Variants in ANGPT1 observed in about 807,000 individuals in gnomAD.
ANGPT1 encodes the protein angiopoietin 1, also known as angiopoietin-1.
A neutral mutation model predicts 62.2 loss-of-function variants in ANGPT1; 17 were observed. The ratio of observed to expected loss-of-function variants is 0.27; its 90% CI spans 0.19 to 0.41. The LOEUF (loss-of-function observed/expected upper bound fraction) is 0.41. Among genes scored for constraint, ANGPT1 ranks in the 10% least tolerant of loss-of-function variants. ANGPT1 has a pLI of 1.00. For synonymous variants in ANGPT1, 199 were observed against 198.9 expected (o/e 1.00, Z 0.00); for missense variants, 478 against 594.9 (o/e 0.80, Z 2.04).
At chr8:107,261,282 A>AT (rs374081790) in intron 8 of ANGPT1, among the ~76,000 whole-genome samples, 1 of 151,548 alleles carries the variant, frequency 6.6e-6, no homozygotes, top group Non-Finnish European at 1.5e-5. Context: ...TTTAAAAAAA[A>AT]ATATTAGATT....
At chr8:107,279,762 C>A (rs1813955001) in intron 7 of ANGPT1, among the ~76,000 whole-genome samples, 2 of 69,716 alleles carry the variant, frequency 2.9e-5, no homozygotes, top group Admixed American at 1.6e-4. Context: ...CACACACACA[C>A]TCAAAGGAAG....
chr8:107,351,589 A>G (rs1158376949), intron 1 of ANGPT1, among the ~76,000 whole-genome samples: 1 of 151,602 alleles, frequency 6.6e-6, no homozygotes, highest in Non-Finnish European at 1.5e-5. Flanking sequence ...TATAATATTT[A>G]TAATATTTAT....
intron 1 of ANGPT1, among the ~76,000 whole-genome samples, chr8:107,416,004 A>G (rs1403655632): frequency 1.3e-5 from 2 of 151,268 alleles, no homozygotes; most frequent in Non-Finnish European, 3.0e-5. Flanking sequence ...ATCTGAAGGG[A>G]AAAAAAAACC....
intron 1 of ANGPT1, among the ~76,000 whole-genome samples, chr8:107,468,405 GAACA>G (rs1812261418): frequency 6.6e-6 from 1 of 152,036 alleles, no homozygotes; most frequent in African/African-American, 2.4e-5. Flanking sequence ...TTGTTAGGCT[GAACA>G]GACAGGTCTC....
intron 1 of ANGPT1, among the ~76,000 whole-genome samples, chr8:107,487,735 TAAAA>T (rs1293353140): frequency 2.6e-5 from 4 of 152,102 alleles, no homozygotes; most frequent in African/African-American, 9.7e-5. Context: ...ACAAGTGTCT[TAAAA>T]AACACAAAAA....
chr8:107,418,259 C>G (rs1482883605), intron 1 of ANGPT1, among the ~76,000 whole-genome samples: 2 of 152,144 alleles, frequency 1.3e-5, no homozygotes, highest in Admixed American at 6.5e-5. Flanking sequence ...CCCCCGTCAC[C>G]ATTTTACCAT....
At chr8:107,493,126 A>G (rs1218650573) in intron 1 of ANGPT1, among the ~76,000 whole-genome samples, 3 of 150,544 alleles carry the variant, frequency 2.0e-5, no homozygotes, top group African/African-American at 7.3e-5. Context: ...TTAAAAACTG[A>G]TTATTACAAT....
chr8:107,334,789 C>T (rs1815521451), intron 3 of ANGPT1, among the ~76,000 whole-genome samples: 1 of 152,102 alleles, frequency 6.6e-6, no homozygotes, highest in Admixed American at 6.5e-5. Flanking sequence ...GGTCTGGTTA[C>T]TGTGAAATTG....
rs149670815 is a variant in ANGPT1 at position 107,282,173 on chromosome 8, A to C, written c.1205+2509T>G. Among the ~76,000 whole-genome samples, 27 of 152,058 alleles carry C rather than the reference A, an allele frequency of 1.8e-4. No individual in the cohort carries two copies. In the East Asian group the frequency reaches 4.8e-3, roughly 27 times the overall value. ...CTTTAATGAATCTTTCACCAGAGTAAGCATTATGTTTTAATGAGTTCTCAT... is the reference window on the plus strand; with the variant it reads ...CTTTAATGAATCTTTCACCAGAGTACGCATTATGTTTTAATGAGTTCTCAT... On this transcript the variant is annotated intron_variant, in intron 7 of 8. Coordinates refer to ENST00000517746, the MANE Select transcript of ANGPT1 (RefSeq NM_001146.5).
At chr8:107,432,498 G>A (rs911298876) in intron 1 of ANGPT1, among the ~76,000 whole-genome samples, 2 of 151,948 alleles carry the variant, frequency 1.3e-5, no homozygotes, top group African/African-American at 4.8e-5. Flanking sequence ...CCCTGTCTCT[G>A]CTAAAAATAC....
At position 107,439,923 on chromosome 8, in the gene ANGPT1, T is replaced by C. The variant is rs540985166; in HGVS notation, c.297+57339A>G. Among the ~76,000 whole-genome samples the C allele has an allele frequency of 7.2e-5, 11 of 152,164 alleles. No homozygotes were observed. The East Asian group carries it at 2.1e-3, about 29-fold the overall frequency. On this transcript the variant is annotated intron_variant, in intron 1 of 8. Coordinates refer to ENST00000517746, the MANE Select transcript of ANGPT1 (RefSeq NM_001146.5). ...ACTGAGTAGGAATCAGTAGACTCGG[T>C]ATTAGTCTGGACATGGTGGGTAATT...
In ANGPT1 at chr8:107,497,684, C is replaced by T. The variant is rs1403682111; in HGVS notation, c.-126G>A. ...TTGACTCTTTCCCCCTCAAAGAAAG[C>T]GTTTGAAGAAGAATCATAGAAAACT... is the stretch of plus-strand genomic sequence containing the variant. On this transcript the variant is annotated 5_prime_UTR_variant, in exon 1 of 9. Coordinates refer to ENST00000517746, the MANE Select transcript of ANGPT1 (RefSeq NM_001146.5). 5.6e-6 allele frequency: 6 copies of T among 1,070,728 alleles called. No homozygotes were observed. The highest frequency in any genetic ancestry group is 7.8e-6 in the Non-Finnish European group (6 of 774,184). 66.3% of individuals were successfully genotyped at this position (1,070,728 alleles called of 1,614,324 possible).
chr8:107,463,424 T>A (rs543449656), intron 1 of ANGPT1, among the ~76,000 whole-genome samples: 63 of 152,254 alleles, frequency 4.1e-4, no homozygotes, highest in African/African-American at 1.5e-3. Flanking sequence ...TATAAGCTAC[T>A]AAATTCTGGA....
At chr8:107,425,382 G>A (rs1323701458) in intron 1 of ANGPT1, among the ~76,000 whole-genome samples, 6 of 152,092 alleles carry the variant, frequency 3.9e-5, no homozygotes, top group Non-Finnish European at 7.4e-5. Context: ...AGTAGAGAAG[G>A]CACTAAGGAT....
chr8:107,400,089 C>A (rs1817015584), intron 1 of ANGPT1, among the ~76,000 whole-genome samples: 1 of 152,170 alleles, frequency 6.6e-6, no homozygotes, highest in South Asian at 2.1e-4. Flanking sequence ...CTGTTCCAAA[C>A]TCTTTTTCTG....
intron 1 of ANGPT1, among the ~76,000 whole-genome samples, chr8:107,394,902 G>A (rs1023089293): frequency 6.6e-6 from 1 of 152,036 alleles, no homozygotes; most frequent in East Asian, 1.9e-4. Context: ...CTTCCTTATG[G>A]ATTTTTTTCC....
chr8:107,424,914 G>A (rs575370571), intron 1 of ANGPT1, among the ~76,000 whole-genome samples: 7 of 151,998 alleles, frequency 4.6e-5, no homozygotes, highest in East Asian at 3.9e-4. Flanking sequence ...CTCTCTTGTC[G>A]CCCAGGCTGG....
intron 1 of ANGPT1, among the ~76,000 whole-genome samples, chr8:107,456,770 C>A: frequency 1.3e-5 from 2 of 151,912 alleles, no homozygotes; most frequent in African/African-American, 2.4e-5. Context: ...AATATAAAAC[C>A]TAGAGAACCA....
chr8:107,316,776 C>T (rs1222931020), intron 4 of ANGPT1, among the ~76,000 whole-genome samples: 1 of 152,118 alleles, frequency 6.6e-6, no homozygotes, highest in Non-Finnish European at 1.5e-5. Context: ...GGAAAATAAA[C>T]ATGCCGTTTG....
Sources: allele counts gnomAD v4.1 joint callset (sites outside exome capture counted in the v4.1 genomes callset), GRCh38; gene constraint gnomAD v4.1.1; transcripts MANE v1.5; gene names NCBI Gene and HGNC (gene_info 2026-07-23, HGNC 2026-07-21).